ZNF487: variants seen among roughly 807,000 people sequenced by gnomAD.
ZNF487 encodes the protein zinc finger protein 487.
A neutral mutation model predicts 3.0 loss-of-function variants in ZNF487; 4 were observed. That is an observed-to-expected ratio of 1.35 (90% CI 0.66 to 3.08). The LOEUF is 3.08. ZNF487 is among the 30% of genes most tolerant of loss of function. ZNF487 has a pLI of 0.01. For synonymous variants in ZNF487, 55 were observed against 34.6 expected, an observed-to-expected ratio of 1.59 and a Z score of -2.06; for missense variants, 146 against 98.7, an observed-to-expected ratio of 1.48 and a Z score of -2.03.
At chr10:43,458,388 G>A (rs1589033572) in intron 1 of ZNF487, among the ~76,000 whole-genome samples, 1 of 152,226 alleles carries the variant, frequency 6.6e-6, no homozygotes, top group Non-Finnish European at 1.5e-5. Context: ...AGGTACAGAA[G>A]AGACAAATAG....
At chr10:43,442,399 T>G (rs1241303425) in intron 1 of ZNF487, among the ~76,000 whole-genome samples, 3 of 152,126 alleles carry the variant, frequency 2.0e-5, no homozygotes, top group African/African-American at 7.2e-5. Flanking sequence ...ATTAACATAG[T>G]ACGTCTCTTC....
At chr10:43,502,954 C>T in the ZNF487 span, among the ~76,000 whole-genome samples, 1 of 149,476 alleles carries the variant, frequency 6.7e-6, no homozygotes, top group Admixed American at 6.8e-5. Flanking sequence ...TCTCTTGAGC[C>T]TGGGAGTCAA....
intron 3 of ZNF487, among the ~76,000 whole-genome samples, chr10:43,481,038 A>G (rs1841332012): frequency 6.6e-6 from 1 of 152,076 alleles, no homozygotes. Context: ...TTGGGAGCCG[A>G]GGCAGGTGGA....
chr10:43,436,915 G>A (rs1449282701), upstream of ZNF487: 1 of 468,854 alleles, frequency 2.1e-6, no homozygotes, highest in East Asian at 7.0e-5. Context: ...ACTGCGCCGT[G>A]TCTTCCTGAA....
At chr10:43,438,342 C>A (rs1213534508) in intron 1 of ZNF487, among the ~76,000 whole-genome samples, 1 of 152,158 alleles carries the variant, frequency 6.6e-6, no homozygotes, top group Non-Finnish European at 1.5e-5. Flanking sequence ...CGTGCCACCA[C>A]ACCCGGCTAA....
intron 1 of ZNF487, among the ~76,000 whole-genome samples, chr10:43,456,940 T>C (rs1312812501): frequency 6.6e-6 from 1 of 152,200 alleles, no homozygotes; most frequent in East Asian, 1.9e-4. Flanking sequence ...TATTTACTCA[T>C]TCCAGATACC....
the ZNF487 span, among the ~76,000 whole-genome samples, chr10:43,500,435 A>G: frequency 6.6e-6 from 1 of 152,122 alleles, no homozygotes; most frequent in Non-Finnish European, 1.5e-5. Context: ...CAAAAAAACA[A>G]ACAAAAAACA....
the ZNF487 span, among the ~76,000 whole-genome samples, chr10:43,519,794 G>A: frequency 2.6e-5 from 4 of 152,214 alleles, no homozygotes; most frequent in South Asian, 2.1e-4. Flanking sequence ...CAAGCCTCAC[G>A]TGTGGCCACA....
the ZNF487 span, among the ~76,000 whole-genome samples, chr10:43,516,235 C>A: frequency 6.6e-6 from 1 of 152,120 alleles, no homozygotes; most frequent in Non-Finnish European, 1.5e-5. Flanking sequence ...GTGTCAAATG[C>A]GTTTATTTTG....
intron 1 of ZNF487, among the ~76,000 whole-genome samples, chr10:43,447,223 C>T (rs544889051): frequency 6.5e-5 from 9 of 139,148 alleles, no homozygotes; most frequent in Non-Finnish European, 7.7e-5. Context: ...GAGACGGAGA[C>T]GACGGAGAGG....
At chr10:43,456,840 C>A (rs2132077340) in intron 1 of ZNF487, among the ~76,000 whole-genome samples, 1 of 152,330 alleles carries the variant, frequency 6.6e-6, no homozygotes, top group Non-Finnish European at 1.5e-5. Flanking sequence ...CTCTGCCTCC[C>A]AAAGTGTTGG....
chr10:43,456,401 A>G (rs914002558), intron 1 of ZNF487, among the ~76,000 whole-genome samples: 1 of 152,142 alleles, frequency 6.6e-6, no homozygotes, highest in African/African-American at 2.4e-5. Context: ...GAGAGGCAAT[A>G]TGTAATGCCT....
the ZNF487 span, among the ~76,000 whole-genome samples, chr10:43,499,422 T>C: frequency 6.6e-6 from 1 of 152,156 alleles, no homozygotes; most frequent in Non-Finnish European, 1.5e-5. Context: ...TGTTATTTTA[T>C]TTTATTTGTT....
chr10:43,461,939 C>T (rs1327254972), intron 1 of ZNF487, among the ~76,000 whole-genome samples: 1 of 152,166 alleles, frequency 6.6e-6, no homozygotes, highest in Non-Finnish European at 1.5e-5. Context: ...CTCACACACA[C>T]TAGTTCACAT....
chr10:43,449,168 G>C (rs549886890), intron 1 of ZNF487, among the ~76,000 whole-genome samples: 7 of 151,964 alleles, frequency 4.6e-5, no homozygotes, highest in Admixed American at 2.6e-4. Context: ...GCATGGCGGC[G>C]TGGGCCTGTA....
the ZNF487 span, among the ~76,000 whole-genome samples, chr10:43,520,391 G>C: frequency 0.038 from 5,731 of 152,214 alleles, 249 homozygotes; most frequent in African/African-American, 0.11. Flanking sequence ...TATTCAGCTT[G>C]ATTATTGGGT....
the ZNF487 span, among the ~76,000 whole-genome samples, chr10:43,501,226 A>C: frequency 1.0e-3 from 155 of 152,270 alleles, no homozygotes; most frequent in Middle Eastern, 3.4e-3. Flanking sequence ...AAAAAATGGT[A>C]TACCTGTATA....
At chr10:43,446,305 C>T (rs553196838) in intron 1 of ZNF487, among the ~76,000 whole-genome samples, 10 of 148,734 alleles carry the variant, frequency 6.7e-5, no homozygotes, top group South Asian at 4.3e-4. Flanking sequence ...TGGGCGGGGG[C>T]GCCCCCCACC....
At chr10:43,453,407 T>C (rs1840069814) in intron 1 of ZNF487, 1 of 152,190 alleles carries the variant, frequency 6.6e-6, no homozygotes, top group South Asian at 2.1e-4. Flanking sequence ...TTGGCAAGAA[T>C]AGTAAGTTAT....
Sources: gnomAD v4.1 joint callset for allele counts (sites outside exome capture counted in the v4.1 genomes callset) on GRCh38, gnomAD v4.1.1 for gene constraint, MANE v1.5 for transcripts, NCBI Gene and HGNC (gene_info 2026-07-23, HGNC 2026-07-21) for gene names.